The following EMID1 variants were observed in gnomAD, a reference collection of about 807,000 sequenced individuals.
EMID1 encodes the protein EMI domain containing 1, also known as EMI domain-containing protein 1.
In EMID1, 40 loss-of-function variants were observed where a neutral mutation model predicts 60.6. The observed-to-expected ratio is 0.66, with a 90% CI of 0.51 to 0.86. The LOEUF is 0.86. Ranked by LOEUF, EMID1 falls within the 40% of genes least tolerant of loss-of-function variation. The pLI, the probability that EMID1 is intolerant of heterozygous loss-of-function variation, is 0.00. For missense variants in EMID1, 585 were observed against 597.1 expected, an observed-to-expected ratio of 0.98 and a Z score of 0.21; for synonymous variants, 242 against 231.0, an observed-to-expected ratio of 1.05 and a Z score of -0.43.
intron 1 of EMID1, among the ~76,000 whole-genome samples, chr22:29,209,580 G>A (rs11912502): frequency 1.3e-5 from 2 of 152,104 alleles, no homozygotes; most frequent in African/African-American, 2.4e-5. Flanking sequence ...ACATCGCTGA[G>A]CGTCCTCAGG....
chr22:29,222,372 G>A (rs1312422516), intron 3 of EMID1, among the ~76,000 whole-genome samples: 2 of 151,072 alleles, frequency 1.3e-5, no homozygotes, highest in Non-Finnish European at 2.9e-5. Flanking sequence ...AGGATTACAG[G>A]TGTGAGCCAC....
At chr22:29,211,231 T>C (rs2039869664) in intron 1 of EMID1, among the ~76,000 whole-genome samples, 1 of 152,190 alleles carries the variant, frequency 6.6e-6, no homozygotes, top group African/African-American at 2.4e-5. Flanking sequence ...AGTGTGTGTA[T>C]GTGAATGTGT....
At chr22:29,231,432 A>G in intron 6 of EMID1, 161 bp from the exon 7 acceptor site, 1 of 842,956 alleles carries the variant, frequency 1.2e-6, no homozygotes, top group Non-Finnish European at 2.0e-6. Context: ...AGGGACACTG[A>G]CCTCTGCCTA....
intron 1 of EMID1, among the ~76,000 whole-genome samples, chr22:29,212,622 G>A (rs1021997498): frequency 6.6e-6 from 1 of 151,114 alleles, no homozygotes; most frequent in South Asian, 2.1e-4. Flanking sequence ...GGAATGCAAT[G>A]GTGCGATCTC....
intron 3 of EMID1, chr22:29,216,354 T>G: frequency 2.0e-6 from 2 of 985,368 alleles, no homozygotes; most frequent in South Asian, 4.7e-5. Context: ...AGCCCAGGCC[T>G]CTCCCATCCT....
chr22:29,226,526 A>C lies in EMID1; in HGVS notation c.440A>C (p.Glu147Ala), dbSNP rs772222255. The C allele has an allele frequency of 1.9e-6, 3 of 1,611,654 alleles. No homozygotes were observed. Among genetic ancestry groups the C allele is most frequent in the Non-Finnish European group, 2.5e-6 (3 of 1,178,960 alleles). ...LNCSKVSELT[E>A]RLKVLEAKMT... ...TGCAGCAAAGTGTCAGAGCTGACAG[A>C]GCGGCTGAAGGTGCTGGAGGCCAAG... The change falls in exon 5 of 15, where the codon GAG becomes GCG. Residue 147 changes from glutamate (E) to alanine (A), a missense_variant. Physicochemically the swap from Glu to Ala is moderately radical, Grantham distance 107 (BLOSUM62 -1). Transcript: ENST00000334018.
chr22:29,228,610 T>C (rs558579992), intron 5 of EMID1, among the ~76,000 whole-genome samples: 2 of 152,332 alleles, frequency 1.3e-5, no homozygotes, highest in South Asian at 4.1e-4. Flanking sequence ...AGAAACAGGG[T>C]CTTGCTCTGT....
chr22:29,232,331 C>T lies in EMID1; in HGVS notation c.752C>T (p.Pro251Leu). The change falls in exon 8 of 15, where the codon CCA (proline) becomes CTA (leucine). Residue 251 changes from proline to leucine, a missense_variant. By Grantham distance (98) the Pro-to-Leu change is moderately conservative. Coordinates refer to ENST00000334018, the MANE Select transcript of EMID1 (RefSeq NM_133455.4). ...GTPGERGPPG[P>L]PGPPGPPGPP... ...CCTGGAGAGAGGGGACCTCCTGGGCCACCAGGGCCTCCTGGCCCCCCTGGG... is the reference window on the plus strand; with the variant it reads ...CCTGGAGAGAGGGGACCTCCTGGGCTACCAGGGCCTCCTGGCCCCCCTGGG... The T allele has an allele frequency of 6.2e-7, 1 of 1,609,744 alleles. No homozygotes were observed. The highest frequency in any genetic ancestry group is 1.3e-5 in the African/African-American group (1 of 74,962).
rs150922175 is a variant in EMID1 at position 29,218,775 on chromosome 22, T to A, written c.319+3145T>A. ...TGGGCTCTGCTGACATTGGGGCTGCTGCAGTAAACCCCATGTCACTCTGCC... is the reference window on the plus strand; with the variant it reads ...TGGGCTCTGCTGACATTGGGGCTGCAGCAGTAAACCCCATGTCACTCTGCC... On this transcript the variant is annotated intron_variant, in intron 3 of 14. Transcript: ENST00000334018. Among the ~76,000 whole-genome samples, 14 of 152,334 alleles carry A rather than the reference T, an allele frequency of 9.2e-5. No individual in the cohort carries two copies. The East Asian group carries it at 2.7e-3, about 29-fold the overall frequency.
chr22:29,255,411 G>A (rs2041667989), intron 14 of EMID1: 2 of 1,348,730 alleles, frequency 1.5e-6, no homozygotes, highest in East Asian at 5.4e-5. Flanking sequence ...GAAGGGCCTG[G>A]AAAAGGCCTG....
intron 12 of EMID1, among the ~76,000 whole-genome samples, chr22:29,242,172 G>A (rs552469670): frequency 6.6e-6 from 1 of 152,150 alleles, no homozygotes; most frequent in African/African-American, 2.4e-5. Flanking sequence ...CTCCCACCTT[G>A]GCTAGGGAGC....
chr22:29,254,399 C>G, intron 14 of EMID1, 112 bp downstream of exon 14: 1 of 1,041,982 alleles, frequency 9.6e-7, no homozygotes, highest in Non-Finnish European at 1.5e-6. Context: ...GGAGAAGGTG[C>G]CTGCCCCAGG....
Position 29,234,310 on chromosome 22 carries a change from G to A in EMID1, c.1035G>A (p.Leu345=). The part of the protein sequence containing the change: ...GHPGEKGERG[L]RGEPGPQGSA... ...GTCTCCTCCCTCTTACACAGGGACT[G>A]CGTGGGGAGCCTGGCCCCCAAGGCT... Residue 345 remains leucine, a synonymous_variant, in exon 12 of 15, where the codon CTG becomes CTA. Coordinates refer to ENST00000334018, the MANE Select transcript of EMID1 (RefSeq NM_133455.4). 2 of 1,614,112 alleles carry A rather than the reference G, an allele frequency of 1.2e-6. No individual in the cohort carries two copies. Among genetic ancestry groups the A allele is most frequent in the East Asian group, 2.2e-5 (1 of 44,888 alleles).
At chr22:29,212,307 AT>A (rs1217939982) in intron 1 of EMID1, among the ~76,000 whole-genome samples, 3 of 151,440 alleles carry the variant, frequency 2.0e-5, no homozygotes, top group East Asian at 3.9e-4. Flanking sequence ...ATTAAAAAAA[AT>A]TTTTTTATAG....
chr22:29,221,577 T>C, intron 3 of EMID1, among the ~76,000 whole-genome samples: 1 of 152,178 alleles, frequency 6.6e-6, no homozygotes, highest in Non-Finnish European at 1.5e-5. Flanking sequence ...GCTTTCACCA[T>C]GTTAGCCAGG....
intron 12 of EMID1, among the ~76,000 whole-genome samples, chr22:29,239,767 T>G (rs2041087984): frequency 6.6e-6 from 1 of 151,606 alleles, no homozygotes; most frequent in South Asian, 2.1e-4. Context: ...CAGTCTTTTT[T>G]TTTTTTTTGA....
At chr22:29,229,547 G>A (rs1410535352) in intron 5 of EMID1, among the ~76,000 whole-genome samples, 4 of 151,566 alleles carry the variant, frequency 2.6e-5, no homozygotes, top group African/African-American at 9.7e-5. Context: ...GGAGGCCGAG[G>A]CAGGAGAATT....
chr22:29,254,881 C>A lies in EMID1; in HGVS notation c.1204+594C>A, dbSNP rs563149602. The stretch of plus-strand genomic sequence containing the variant: ...CCCCAGGGGACTCTGGGTAATACAC[C>A]ACCTACTAGTTCTGACTTTCCTCTC... On this transcript the variant is annotated intron_variant, in intron 14 of 14. Coordinates refer to ENST00000334018, the MANE Select transcript of EMID1 (RefSeq NM_133455.4). 9.8e-5 allele frequency: 17 copies of A among 173,946 alleles called. 1 individual carries two copies. The highest frequency in any genetic ancestry group is 5.5e-3 in the Middle Eastern group (2 of 366). 10.8% of individuals were successfully genotyped at this position (173,946 alleles called of 1,614,324 possible).
At chr22:29,247,119 T>C (rs2041355472) in intron 13 of EMID1, among the ~76,000 whole-genome samples, 1 of 152,038 alleles carries the variant, frequency 6.6e-6, no homozygotes, top group Admixed American at 6.6e-5. Flanking sequence ...GCTGGGACTC[T>C]GTAGCCATGC....
Sources: gnomAD v4.1 joint callset for allele counts (sites outside exome capture counted in the v4.1 genomes callset) on GRCh38, gnomAD v4.1.1 for gene constraint, MANE v1.5 for transcripts, NCBI Gene and HGNC (gene_info 2026-07-23, HGNC 2026-07-21) for gene names.